The following PCDH9 variants were observed in gnomAD, a reference collection of about 807,000 sequenced individuals.
PCDH9 encodes protocadherin 9.
Under a neutral mutation model 70.6 loss-of-function variants are expected in PCDH9, and 24 were observed. The observed-to-expected ratio is 0.34, with a 90% confidence interval of 0.25 to 0.48. The LOEUF (loss-of-function observed/expected upper bound fraction) is 0.48. Among genes scored for constraint, PCDH9 ranks in the 20% least tolerant of loss-of-function variants. The pLI is 0.99. For missense variants in PCDH9, 1,281 were observed against 1,503.6 expected (o/e 0.85, Z 2.45); for synonymous variants, 562 against 558.5 (o/e 1.01, Z -0.09).
intron 2 of PCDH9, among the ~76,000 whole-genome samples, chr13:66,991,721 G>T (rs905570266): frequency 5.9e-5 from 9 of 151,966 alleles, no homozygotes; most frequent in African/African-American, 2.2e-4. Flanking sequence ...GAAACAAAAT[G>T]AATTCTGTAT....
At chr13:66,692,130 T>C (rs899746058) in intron 3 of PCDH9, among the ~76,000 whole-genome samples, 2 of 152,144 alleles carry the variant, frequency 1.3e-5, no homozygotes, top group South Asian at 4.1e-4. Flanking sequence ...AGCCTCTACA[T>C]GGCATGAAGA....
chr13:67,027,960 C>T (rs2084821870), intron 2 of PCDH9, among the ~76,000 whole-genome samples: 1 of 150,378 alleles, frequency 6.6e-6, no homozygotes, highest in African/African-American at 2.4e-5. Flanking sequence ...AACACTTTTA[C>T]ACTGTTGGTG....
chr13:66,342,324 G>C (rs532199484), intron 4 of PCDH9, among the ~76,000 whole-genome samples: 2 of 152,120 alleles, frequency 1.3e-5, no homozygotes, highest in African/African-American at 2.4e-5. Context: ...ACAACAACTT[G>C]CTTTTAAAAT....
intron 2 of PCDH9, chr13:67,213,232 A>G (rs1277020164): frequency 3.2e-4 from 33 of 104,380 alleles, no homozygotes; most frequent in Admixed American, 2.5e-3. Context: ...AAAAAAAAAA[A>G]AAAAAAGAAA....
chr13:67,201,790 T>C (rs1431273722), intron 2 of PCDH9: 3 of 152,034 alleles, frequency 2.0e-5, no homozygotes, highest in Non-Finnish European at 4.4e-5. Context: ...AATAATGCTT[T>C]GTGTAGTGCC....
intron 3 of PCDH9, among the ~76,000 whole-genome samples, chr13:66,637,913 C>CA (rs10716518): frequency 4.4e-5 from 6 of 137,380 alleles, no homozygotes; most frequent in African/African-American, 1.3e-4. Context: ...GACTCCTTCT[C>CA]AAAAAAAAAA....
At chr13:66,381,984 GA>G (rs375964593) in intron 4 of PCDH9, among the ~76,000 whole-genome samples, 264 of 135,248 alleles carry the variant, frequency 2.0e-3, no homozygotes, top group African/African-American at 5.7e-3. Context: ...ATTATTGAAA[GA>G]AAAAAAAAAA....
intron 4 of PCDH9, among the ~76,000 whole-genome samples, chr13:66,437,404 CAAAAAAAAAA>C (rs66796123): frequency 8.8e-5 from 4 of 45,600 alleles, no homozygotes; most frequent in Non-Finnish European, 1.7e-4. Flanking sequence ...GACTCTGTCT[CAAAAAAAAAA>C]AAAAAAAAAA....
chr13:66,707,248 T>C (rs920968094), intron 3 of PCDH9, among the ~76,000 whole-genome samples: 1 of 152,168 alleles, frequency 6.6e-6, no homozygotes, highest in Non-Finnish European at 1.5e-5. Context: ...TACAGTAATT[T>C]TAATTTTTTG....
chr13:67,110,373 G>A (rs572645371), intron 2 of PCDH9, among the ~76,000 whole-genome samples: 3 of 151,794 alleles, frequency 2.0e-5, no homozygotes, highest in Non-Finnish European at 4.4e-5. Flanking sequence ...AAATTAGCCG[G>A]GGTGGCAGCA....
At chr13:66,680,687 G>C (rs1414619473) in intron 3 of PCDH9, among the ~76,000 whole-genome samples, 1 of 151,732 alleles carries the variant, frequency 6.6e-6, no homozygotes, top group Non-Finnish European at 1.5e-5. Flanking sequence ...CTTTATAAAT[G>C]AACCCAGGGG....
chr13:67,065,892 G>T (rs2085637188), intron 2 of PCDH9, among the ~76,000 whole-genome samples: 1 of 151,978 alleles, frequency 6.6e-6, no homozygotes. Context: ...ATCACGGTGG[G>T]AAAGAAAAAT....
At chr13:67,184,808 C>T (rs1053329885) in intron 2 of PCDH9, among the ~76,000 whole-genome samples, 1 of 152,030 alleles carries the variant, frequency 6.6e-6, no homozygotes, top group East Asian at 1.9e-4. Flanking sequence ...TAAATAAAAC[C>T]AAAAATTCTA....
intron 2 of PCDH9, among the ~76,000 whole-genome samples, chr13:66,940,808 T>A (rs1018778675): frequency 6.6e-6 from 1 of 152,054 alleles, no homozygotes; most frequent in East Asian, 1.9e-4. Context: ...GGAAAAAATT[T>A]CAGAGTCATT....
intron 4 of PCDH9, among the ~76,000 whole-genome samples, chr13:66,381,811 T>G (rs1329215211): frequency 2.0e-5 from 3 of 152,184 alleles, no homozygotes; most frequent in Non-Finnish European, 4.4e-5. Flanking sequence ...TATGAGTAGT[T>G]TTAAAACTTT....
intron 4 of PCDH9, among the ~76,000 whole-genome samples, chr13:66,446,787 CTG>C (rs1161165139): frequency 6.6e-6 from 1 of 151,970 alleles, no homozygotes; most frequent in Non-Finnish European, 1.5e-5. Context: ...AAGCTGTAGA[CTG>C]TAAAAAAAAT....
intron 4 of PCDH9, among the ~76,000 whole-genome samples, chr13:66,626,522 C>A (rs2209023): frequency 0.85 from 129,275 of 152,100 alleles, 55,701 homozygotes; most frequent in Admixed American, 0.92. Flanking sequence ...GACATATAAG[C>A]AGACCAATGA....
chr13:66,901,859 A>G (rs1348625928), intron 3 of PCDH9, among the ~76,000 whole-genome samples: 2 of 151,750 alleles, frequency 1.3e-5, no homozygotes, highest in African/African-American at 4.8e-5. Context: ...TCTGAGGAAT[A>G]TGGTTTCTGA....
At chr13:66,446,644 T>A (rs141942367) in intron 4 of PCDH9, among the ~76,000 whole-genome samples, 6 of 152,146 alleles carry the variant, frequency 3.9e-5, no homozygotes, top group Admixed American at 1.3e-4. Context: ...CCATTTTGAT[T>A]CCCTTGGGCA....
Sources: allele counts gnomAD v4.1 joint callset (sites outside exome capture counted in the v4.1 genomes callset), GRCh38; gene constraint gnomAD v4.1.1; transcripts MANE v1.5; gene names NCBI Gene and HGNC (gene_info 2026-07-23, HGNC 2026-07-21).